ITGAE: variants seen among roughly 807,000 people sequenced by gnomAD.
The protein encoded by ITGAE is integrin alpha-E.
Under a neutral mutation model 136.5 loss-of-function variants are expected in ITGAE, and 99 were observed. The ratio of observed to expected loss-of-function variants is 0.73; its 90% CI spans 0.62 to 0.86. The LOEUF is 0.86. Among genes scored for constraint, ITGAE ranks in the 40% least tolerant of loss-of-function variants. The pLI, the probability that ITGAE is intolerant of heterozygous loss-of-function variation, is 0.00. For synonymous variants in ITGAE, 613 were observed against 591.8 expected (o/e 1.04, Z -0.52); for missense variants, 1,447 against 1,515.3 (o/e 0.95, Z 0.75).
chr17:3,743,621 T>G lies in ITGAE; in HGVS notation c.2320-4A>C. The G allele has an allele frequency of 6.2e-7, 1 of 1,610,300 alleles. No individual in the cohort carries two copies. The highest frequency in any genetic ancestry group is 8.5e-7 in the Non-Finnish European group (1 of 1,178,734). The stretch of plus-strand genomic sequence containing the variant: ...AGAAGCAGTCCTCCTCACAGAGCTG[T>G]GGGGTCACCACGGAAGGCAGGGTTA... On this transcript the variant is annotated splice_region_variant and splice_polypyrimidine_tract_variant and intron_variant, in intron 18 of 30. Transcript: ENST00000263087.
In ITGAE at chr17:3,745,798, C is replaced by A; in HGVS notation, c.2285G>T (p.Cys762Phe). The A allele has an allele frequency of 1.2e-6, 2 of 1,614,132 alleles. No homozygotes were observed. The highest frequency in any genetic ancestry group is 1.7e-6 in the Non-Finnish European group (2 of 1,180,018). Residue 762 changes from cysteine to phenylalanine, a missense_variant, in exon 18 of 31, where the codon TGT (cysteine) becomes TTT (phenylalanine). Around this residue, in one of 3 missense-constraint regions of ITGAE, gnomAD observed 1,031 missense variants for 1,011.4 expected, o/e 1.02. Coordinates refer to ENST00000263087, the MANE Select transcript of ITGAE (RefSeq NM_002208.5). The part of the protein sequence containing the change: ...LREWSSGSQL[C>F]EDLLLMPTEG... ...TGTGGGCATGAGCAGGAGGTCCTCA[C>A]AAAGCTGGGATCCGCTGCTCCACTC...
intron 17 of ITGAE, 78 bp downstream of exon 17, chr17:3,747,844 C>A: frequency 2.9e-6 from 1 of 349,478 alleles, no homozygotes; most frequent in Non-Finnish European, 5.5e-6. Flanking sequence ...CGCCCCAGTC[C>A]TCTTTCCCTG....
intron 12 of ITGAE, among the ~76,000 whole-genome samples, 195 bp downstream of exon 12, chr17:3,754,917 CCCAGG>C: frequency 7.8e-6 from 1 of 127,724 alleles, no homozygotes; most frequent in Non-Finnish European, 1.7e-5. Flanking sequence ...CCCGCCCTCA[CCCAGG>C]TAGCCCCCAG....
chr17:3,723,744 C>A lies in ITGAE; in HGVS notation c.3085G>T (p.Ala1029Ser). The stretch of plus-strand genomic sequence containing the variant: ...TGACTCCAGGTGCACACCGTGGAGG[C>A]CTGAAACGAGAGCCATGACCGCGAC... ...VAVKKLTRTQ[A>S]STVCTWSQER... Residue 1029 changes from alanine to serine, a missense_variant and splice_region_variant, in exon 27 of 31, where the codon GCC becomes TCC. By Grantham distance (99) the Ala-to-Ser change is moderately conservative. Coordinates refer to ENST00000263087, the MANE Select transcript of ITGAE (RefSeq NM_002208.5). The A allele has an allele frequency of 6.2e-7, 1 of 1,607,218 alleles. No individual in the cohort carries two copies. The highest frequency in any genetic ancestry group is 8.5e-7 in the Non-Finnish European group (1 of 1,177,138).
At chr17:3,725,356 C>T (rs1290730615) in intron 26 of ITGAE, 13 of 1,613,166 alleles carry the variant, frequency 8.1e-6, no homozygotes, top group Non-Finnish European at 1.1e-5. Flanking sequence ...GGTCCTGTCC[C>T]CTTTAGCCAT....
chr17:3,741,068 G>GTTTTTTTT (rs1447955211), intron 19 of ITGAE, among the ~76,000 whole-genome samples: 1 of 110,512 alleles, frequency 9.0e-6, no homozygotes, highest in African/African-American at 3.3e-5. Context: ...GTTTTTTGTT[G>GTTTTTTTT]TATTTTTTTT....
chr17:3,725,454 C>T, intron 26 of ITGAE: 1 of 1,614,208 alleles, frequency 6.2e-7, no homozygotes, highest in Non-Finnish European at 8.5e-7. Flanking sequence ...TGATCACACA[C>T]CCGTAGCCAT....
chr17:3,771,447 C>A (rs771424247), intron 2 of ITGAE, among the ~76,000 whole-genome samples: 1 of 151,692 alleles, frequency 6.6e-6, no homozygotes, highest in Non-Finnish European at 1.5e-5. Flanking sequence ...CCGCAGCTCA[C>A]GTGCCCTTGA....
Position 3,760,270 on chromosome 17 carries a change from T to TGATGGCCCTG in ITGAE, c.615_616insCAGGGCCATC (p.Ile206GlnfsTer12). 6.2e-7 allele frequency: 1 copy of TGATGGCCCTG among 1,612,876 alleles called. No homozygotes were observed. The highest frequency in any genetic ancestry group is 8.5e-7 in the Non-Finnish European group (1 of 1,179,076). ...TCAATGCTTCCTGAGCCATCCAGGATGATGGCAATCTCGGTGCCTGGCCAA... is the reference window on the plus strand; with the variant it reads ...TCAATGCTTCCTGAGCCATCCAGGATGATGGCCCTGGATGGCAATCTCGGTGCCTGGCCAA... On this transcript the variant is annotated frameshift_variant, in exon 7 of 31. Transcript: ENST00000263087. LOFTEE classifies it high-confidence loss of function.
intron 28 of ITGAE, among the ~76,000 whole-genome samples, chr17:3,722,930 T>C (rs555154490): frequency 2.0e-4 from 30 of 152,322 alleles, no homozygotes; most frequent in Admixed American, 1.6e-3. Flanking sequence ...CCGAAGGTTA[T>C]TGCAACAGCC....
At chr17:3,727,642 A>G (rs969481033) in intron 26 of ITGAE, among the ~76,000 whole-genome samples, 10 of 151,688 alleles carry the variant, frequency 6.6e-5, no homozygotes, top group South Asian at 2.1e-4. Context: ...CTTGTGATCC[A>G]CCCGCCTCGG....
At position 3,723,872 on chromosome 17, in the gene ITGAE, G is replaced by GCGCGTC. The variant is rs1325868738; in HGVS notation, c.3085-134_3085-129dup. The stretch of plus-strand genomic sequence containing the variant: ...GGAGCTAGGACCCCGCGGCAGGCGG[G>GCGCGTC]CGCGTCCGCGTCGCACGGAAGTCTC... On this transcript the variant is annotated intron_variant, in intron 26 of 30. Transcript: ENST00000263087. The GCGCGTC allele has an allele frequency of 2.8e-4, 432 of 1,517,864 alleles. 1 individual carries two copies. In the African/African-American group the frequency reaches 5.3e-3, roughly 19 times the overall value. The allele number at this position is 1,517,864 out of a possible 1,614,324, so 94.0% of individuals were successfully genotyped here.
chr17:3,765,348 CA>C (rs66493976), intron 2 of ITGAE, among the ~76,000 whole-genome samples: 678 of 63,720 alleles, frequency 0.011, 2 homozygotes, highest in Non-Finnish European at 0.014. Context: ...GACTCTGTCT[CA>C]AAAAAAAAAA....
intron 1 of ITGAE, among the ~76,000 whole-genome samples, chr17:3,782,340 A>T (rs1369945013): frequency 1.8e-5 from 2 of 109,594 alleles, no homozygotes; most frequent in Admixed American, 1.0e-4. Flanking sequence ...TTAAATCTCT[A>T]GTGTGTGTGT....
At position 3,750,393 on chromosome 17, in the gene ITGAE, G is replaced by C. The variant is rs370644797; in HGVS notation, c.1983C>G (p.Ala661=). The change falls in exon 16 of 31, where the codon GCC becomes GCG. Residue 661 remains alanine (A), a synonymous_variant. Coordinates refer to ENST00000263087, the MANE Select transcript of ITGAE (RefSeq NM_002208.5). ...GGFDISGDGL[A]DITVGTLGQA... ...GGCCCAGAGTGCCCACGGTGATGTC[G>C]GCAAGGCCGTCGCCACTAATATCAA... 1.2e-6 allele frequency: 2 copies of C among 1,614,048 alleles called. No homozygotes were observed. The highest frequency in any genetic ancestry group is 1.7e-6 in the Non-Finnish European group (2 of 1,180,048).
rs561096634 is a variant in ITGAE, at chr17:3,794,762, G to A, written c.34+6349C>T. On this transcript the variant is annotated intron_variant, in intron 1 of 30. Transcript: ENST00000263087. ...AGTCACTCTGGGGAAAAAACAGGAC[G>A]TCAGCAAACTGCCTAGAGGAGAATT... Among the ~76,000 whole-genome samples the A allele has an allele frequency of 7.9e-5, 12 of 152,226 alleles. No individual in the cohort carries two copies. In the South Asian group the frequency reaches 1.9e-3, roughly 24 times the overall value.
chr17:3,755,859 T>A lies in ITGAE; in HGVS notation c.1210A>T (p.Ile404Phe), dbSNP rs1305752940. The A allele has an allele frequency of 1.7e-5, 28 of 1,600,382 alleles. No individual in the cohort carries two copies. Among genetic ancestry groups the A allele is most frequent in the Non-Finnish European group, 2.4e-5 (28 of 1,173,784 alleles). ...TCCAGGATCTGAGCACTGAAGCCAATCTGTGCCAGCTGGTAGTGAAGGGCG... is the reference window on the plus strand; with the variant it reads ...TCCAGGATCTGAGCACTGAAGCCAAACTGTGCCAGCTGGTAGTGAAGGGCG... ...GDALHYQLAQ[I>F]GFSAQILDER... Residue 404 changes from isoleucine to phenylalanine, a missense_variant, in exon 11 of 31, where the codon ATT becomes TTT. Transcript: ENST00000263087.
At chr17:3,772,755 C>T (rs898447301) in intron 2 of ITGAE, among the ~76,000 whole-genome samples, 6 of 152,250 alleles carry the variant, frequency 3.9e-5, no homozygotes, top group Non-Finnish European at 8.8e-5. Context: ...TGAGCCACCG[C>T]GCCTGGCAGT....
Position 3,761,144 on chromosome 17 carries a change from G to A in ITGAE, c.467C>T (p.Thr156Ile), listed in dbSNP as rs1310571105. 6.2e-7 allele frequency: 1 copy of A among 1,612,700 alleles called. No homozygotes were observed. The highest frequency in any genetic ancestry group is 2.2e-5 in the East Asian group (1 of 44,874). The change falls in exon 6 of 31, where the codon ACT (threonine) becomes ATT (isoleucine). Residue 156 changes from threonine (T) to isoleucine (I), a missense_variant. By Grantham distance (89) the Thr-to-Ile change is moderately conservative (BLOSUM62 -1). Around this residue, in one of 3 missense-constraint regions of ITGAE, gnomAD observed 310 missense variants for 416.1 expected, o/e 0.74. Transcript: ENST00000263087. ...TTCTTTGTTGCTGTAGCAGTCTCCA[G>A]TGTCCACACGTGCATCTGGATCCAG... ...NLLDPDARVD[T>I]GDCYSNKEGG...
Sources: allele counts gnomAD v4.1 joint callset (sites outside exome capture counted in the v4.1 genomes callset), GRCh38; gene constraint gnomAD v4.1.1; regional missense constraint gnomAD v4.1.1; transcripts MANE v1.5; gene names NCBI Gene and HGNC (gene_info 2026-07-23, HGNC 2026-07-21).